CAVIN1: variants seen among roughly 807,000 people sequenced by gnomAD.
CAVIN1 encodes caveolae associated protein 1.
CAVIN1 carries 16 observed loss-of-function variants against 24.0 expected under a neutral mutation model. The ratio of observed to expected loss-of-function variants is 0.67; its 90% confidence interval spans 0.45 to 1.01. The LOEUF (loss-of-function observed/expected upper bound fraction) is 1.01, where lower values mean the gene tolerates loss of function less well. Ranked by LOEUF, CAVIN1 falls within the 50% of genes least tolerant of loss-of-function variation. CAVIN1 has a pLI of 0.00. For synonymous variants in CAVIN1, 256 were observed against 256.4 expected, an observed-to-expected ratio of 1.00 and a Z score of 0.02; for missense variants, 510 against 551.7, an observed-to-expected ratio of 0.92 and a Z score of 0.76.
At chr17:42,418,373 A>T (rs2085525096) in intron 1 of CAVIN1, among the ~76,000 whole-genome samples, 1 of 151,916 alleles carries the variant, frequency 6.6e-6, no homozygotes, top group Admixed American at 6.6e-5. Flanking sequence ...CTGGGATTAC[A>T]GGTATGTGCA....
intron 1 of CAVIN1, chr17:42,411,528 C>T (rs1223990031): frequency 4.1e-6 from 4 of 985,256 alleles, no homozygotes; most frequent in Non-Finnish European, 4.8e-6. Context: ...CCACCCAAGG[C>T]AGGATCTGGC....
chr17:42,412,354 A>C, intron 1 of CAVIN1: 1 of 658,518 alleles, frequency 1.5e-6, no homozygotes, highest in Non-Finnish European at 1.9e-6. Flanking sequence ...GTGAGTAGGG[A>C]GGGGAGCACA....
chr17:42,404,951 G>A lies in CAVIN1; in HGVS notation c.909C>T (p.Pro303=). Reference sequence around the variant, plus strand: ...TGGAGCGCGCGTACACCACGTGGTCGGGCGTGAAGGATTTGCGCAACTTGT... The same window carrying A: ...TGGAGCGCGCGTACACCACGTGGTCAGGCGTGAAGGATTTGCGCAACTTGT... ...SRDKLRKSFT[P]DHVVYARSKT... The change falls in exon 2 of 2, where the codon CCC becomes CCT. Residue 303 remains proline, a synonymous_variant. Coordinates refer to ENST00000357037, the MANE Select transcript of CAVIN1 (RefSeq NM_012232.6). 1 of 1,614,104 alleles carries A rather than the reference G, an allele frequency of 6.2e-7. No individual in the cohort carries two copies. Among genetic ancestry groups the A allele is most frequent in the Non-Finnish European group, 8.5e-7 (1 of 1,179,986 alleles).
Position 42,405,305 on chromosome 17 carries a change from C to T in CAVIN1, c.555G>A (p.Glu185=), listed in dbSNP as rs2085436929. The change falls in exon 2 of 2, where the codon GAG becomes GAA. Residue 185 remains glutamate, a synonymous_variant. Transcript: ENST00000357037. The part of the protein sequence containing the change: ...SEALPEKEGE[E]LGEGERPEED... ...CCTCGGGCCGCTCGCCCTCGCCCAG[C>T]TCCTCGCCCTCCTTCTCTGGCAGCG... is the stretch of plus-strand genomic sequence containing the variant. 6.2e-7 allele frequency: 1 copy of T among 1,611,924 alleles called. No homozygotes were observed. Among genetic ancestry groups the T allele is most frequent in the Non-Finnish European group, 8.5e-7 (1 of 1,179,978 alleles).
chr17:42,407,338 T>C (rs1848446579), intron 1 of CAVIN1, among the ~76,000 whole-genome samples: 1 of 152,212 alleles, frequency 6.6e-6, no homozygotes, highest in Non-Finnish European at 1.5e-5. Context: ...AGAAAAATCC[T>C]GTCCCCTAAG....
intron 1 of CAVIN1, among the ~76,000 whole-genome samples, chr17:42,420,983 G>GC (rs1366959319): frequency 1.3e-5 from 2 of 152,030 alleles, no homozygotes; most frequent in African/African-American, 4.8e-5. Flanking sequence ...AACGTCAAAA[G>GC]CCCCCCTCTC....
At chr17:42,405,830 G>A (rs2085443431) in intron 1 of CAVIN1, among the ~76,000 whole-genome samples, 2 of 152,052 alleles carry the variant, frequency 1.3e-5, no homozygotes, top group South Asian at 4.1e-4. Flanking sequence ...TGGGATTACA[G>A]GCGCCCGCCA....
Position 42,405,007 on chromosome 17 carries a change from C to A in CAVIN1, c.853G>T (p.Glu285Ter). The A allele has an allele frequency of 6.2e-7, 1 of 1,614,150 alleles. No individual in the cohort carries two copies. Among genetic ancestry groups the A allele is most frequent in the Non-Finnish European group, 8.5e-7 (1 of 1,180,014 alleles). The change falls in exon 2 of 2, where the codon GAG becomes TAG. Residue 285 changes from glutamate (E) to a stop codon, truncating the protein, a stop_gained. Coordinates refer to ENST00000357037, the MANE Select transcript of CAVIN1 (RefSeq NM_012232.6). LOFTEE classifies it high-confidence loss of function. The part of the protein sequence containing the change: ...NKLGTRLVPA[E>*]RREKLKTSRD... ...GACGTCTTCAGTTTCTCGCGCCGCT[C>A]GGCGGGCACCAGGCGCGTGCCCAGC...
In CAVIN1 at chr17:42,422,798, G is replaced by C. The variant is rs373102565; in HGVS notation, c.300C>G (p.His100Gln). Residue 100 changes from histidine (H) to glutamine (Q), a missense_variant, in exon 1 of 2, where the codon CAC becomes CAG. Coordinates refer to ENST00000357037, the MANE Select transcript of CAVIN1 (RefSeq NM_012232.6). ...QGELSKLGKA[H>Q]ATTSNTVSKL... is the part of the protein sequence containing the mutation. ...TGCTCACCGTATTGCTCGTGGTGGC[G>C]TGCGCCTTGCCCAGCTTGCTCAGCT... The C allele has an allele frequency of 6.2e-7, 1 of 1,613,592 alleles. No homozygotes were observed. The highest frequency in any genetic ancestry group is 2.2e-5 in the East Asian group (1 of 44,874).
chr17:42,406,405 C>T (rs1355877645), intron 1 of CAVIN1, among the ~76,000 whole-genome samples: 20 of 146,526 alleles, frequency 1.4e-4, no homozygotes, highest in Admixed American at 5.5e-4. Context: ...GATGGAGTCT[C>T]GCTTTGTCGC....
intron 1 of CAVIN1, among the ~76,000 whole-genome samples, chr17:42,412,914 G>A (rs1231409235): frequency 6.7e-6 from 1 of 148,194 alleles, no homozygotes; most frequent in African/African-American, 2.5e-5. Flanking sequence ...ACTGCGCCTG[G>A]ACTATTTTAT....
At chr17:42,417,558 T>C (rs1427483527) in intron 1 of CAVIN1, among the ~76,000 whole-genome samples, 1 of 152,072 alleles carries the variant, frequency 6.6e-6, no homozygotes, top group Non-Finnish European at 1.5e-5. Context: ...TACTCAAGTG[T>C]TTATGGTGAT....
At chr17:42,420,244 C>T (rs564222098) in intron 1 of CAVIN1, among the ~76,000 whole-genome samples, 7 of 152,330 alleles carry the variant, frequency 4.6e-5, no homozygotes, top group African/African-American at 1.4e-4. Flanking sequence ...TTCAGCCGGA[C>T]TTTACCATAA....
intron 1 of CAVIN1, among the ~76,000 whole-genome samples, chr17:42,421,805 G>C (rs1418030115): frequency 6.6e-6 from 1 of 152,008 alleles, no homozygotes; most frequent in Admixed American, 6.5e-5. Context: ...GCAGGCATGC[G>C]GGGTGATTCA....
At chr17:42,422,415 G>A (rs2085555151) in intron 1 of CAVIN1, among the ~76,000 whole-genome samples, 1 of 152,092 alleles carries the variant, frequency 6.6e-6, no homozygotes, top group Admixed American at 6.5e-5. Context: ...GCCCCTCTAC[G>A]CGCCCCAGGA....
intron 1 of CAVIN1, among the ~76,000 whole-genome samples, chr17:42,409,991 G>C (rs7220037): frequency 0.81 from 122,715 of 152,152 alleles, 50,572 homozygotes; most frequent in East Asian, 0.97. Context: ...CTCAATCCTC[G>C]ATGGATGCAG....
At chr17:42,420,002 T>C (rs1015935991) in intron 1 of CAVIN1, among the ~76,000 whole-genome samples, 11 of 151,888 alleles carry the variant, frequency 7.2e-5, no homozygotes, top group African/African-American at 2.7e-4. Flanking sequence ...GATTCCCTCC[T>C]TTTCTCCCCA....
rs1598568885 is a variant in CAVIN1 at position 42,402,626 on chromosome 17, A to C, written c.*2061T>G. 6.6e-6 allele frequency: 1 copy of C among 151,886 alleles called. No individual in the cohort carries two copies. The highest frequency in any genetic ancestry group is 1.5e-5 in the Non-Finnish European group (1 of 68,116). 9.4% of individuals were successfully genotyped at this position (151,886 alleles called of 1,614,324 possible). A position where few individuals can be genotyped will look rare whatever the true frequency, so the allele number is the denominator to read the frequency against. ...TCCCTCGGCAGAGGGGTCTTCAGCC[A>C]TTCAGAGGAGAGAAGAGAACCGAGA... is the stretch of plus-strand genomic sequence containing the variant. On this transcript the variant is annotated 3_prime_UTR_variant, in exon 2 of 2. Coordinates refer to ENST00000357037, the MANE Select transcript of CAVIN1 (RefSeq NM_012232.6).
At chr17:42,406,375 C>CT (rs34629601) in intron 1 of CAVIN1, among the ~76,000 whole-genome samples, 12,894 of 140,786 alleles carry the variant, frequency 0.092, 674 homozygotes, top group African/African-American at 0.13. Context: ...CAAGCTATTT[C>CT]TTTTTTTTTT....
Sources: gnomAD v4.1 joint callset for allele counts (sites outside exome capture counted in the v4.1 genomes callset) on GRCh38, gnomAD v4.1.1 for gene constraint, MANE v1.5 for transcripts, NCBI Gene and HGNC (gene_info 2026-07-23, HGNC 2026-07-21) for gene names.